The following SPAST variants were observed in gnomAD, a reference collection of about 807,000 sequenced individuals.
SPAST encodes spastic paraplegia 4 (autosomal dominant; spastin).
In SPAST, 30 loss-of-function variants were observed where a neutral mutation model predicts 76.6. The ratio of observed to expected loss-of-function variants is 0.39; its 90% confidence interval spans 0.29 to 0.53. The LOEUF is 0.53. SPAST is among the 20% of genes least tolerant of loss of function. The pLI, the probability that SPAST is intolerant of heterozygous loss-of-function variation, is 0.68. For synonymous variants in SPAST, 305 were observed against 281.0 expected, an observed-to-expected ratio of 1.09 and a Z score of -0.86; for missense variants, 717 against 770.5, an observed-to-expected ratio of 0.93 and a Z score of 0.82.
At chr2:32,122,531 A>C (rs1279216771) in intron 7 of SPAST, among the ~76,000 whole-genome samples, 1 of 152,124 alleles carries the variant, frequency 6.6e-6, no homozygotes, top group African/African-American at 2.4e-5. Flanking sequence ...CATGTTGACC[A>C]GTCTAGTCTC....
chr2:32,068,221 A>G (rs1318348746), intron 1 of SPAST, among the ~76,000 whole-genome samples: 3 of 150,800 alleles, frequency 2.0e-5, no homozygotes, highest in East Asian at 2.0e-4. Flanking sequence ...CTCGTGATCC[A>G]CCCGCCTCGG....
chr2:32,067,993 T>C (rs1460412236), intron 1 of SPAST, among the ~76,000 whole-genome samples: 4 of 151,468 alleles, frequency 2.6e-5, no homozygotes, highest in African/African-American at 9.7e-5. Context: ...TTTTTTTTTT[T>C]TTTGAGACAG....
intron 3 of SPAST, among the ~76,000 whole-genome samples, chr2:32,095,433 T>C (rs941985660): frequency 4.6e-5 from 7 of 151,898 alleles, no homozygotes; most frequent in African/African-American, 1.7e-4. Flanking sequence ...TGAATAAAAG[T>C]TATGAAAGAA....
At chr2:32,081,889 A>G (rs576620093) in intron 1 of SPAST, among the ~76,000 whole-genome samples, 1 of 149,670 alleles carries the variant, frequency 6.7e-6, no homozygotes, top group South Asian at 2.1e-4. Context: ...AATAATAACC[A>G]TCCTAATGGG....
At chr2:32,154,172 T>C (rs1680177111) in intron 16 of SPAST, among the ~76,000 whole-genome samples, 1 of 152,228 alleles carries the variant, frequency 6.6e-6, no homozygotes, top group Non-Finnish European at 1.5e-5. Context: ...AATATATTAG[T>C]ATAGCATTTA....
intron 7 of SPAST, among the ~76,000 whole-genome samples, chr2:32,125,267 A>G (rs13007972): frequency 0.36 from 54,294 of 151,654 alleles, 10,063 homozygotes; most frequent in East Asian, 0.64. Flanking sequence ...CTTGTTGCCC[A>G]GGCTGGAATA....
At chr2:32,077,415 T>G (rs974255606) in intron 1 of SPAST, among the ~76,000 whole-genome samples, 1 of 152,196 alleles carries the variant, frequency 6.6e-6, no homozygotes, top group Admixed American at 6.6e-5. Flanking sequence ...ACAAATTTAC[T>G]AAGTATAATA....
At chr2:32,133,190 A>C (rs1679427968) in intron 9 of SPAST, among the ~76,000 whole-genome samples, 1 of 152,220 alleles carries the variant, frequency 6.6e-6, no homozygotes, top group Non-Finnish European at 1.5e-5. Context: ...TTCCACAAAA[A>C]ATCAGTTACA....
Position 32,136,608 on chromosome 2 carries a change from C to T in SPAST, c.1291C>T (p.Arg431Ter), listed in dbSNP as rs786204126. ...KLVRALFAVA[R>*]ELQPSIIFID... ...GGTGAGGGCTCTTTTTGCTGTGGCT[C>T]GAGAACTTCAACCTTCTATAATTTT... The change falls in exon 10 of 17, where the codon CGA (arginine) becomes TGA (stop). Residue 431 changes from arginine (R) to a stop codon, truncating the protein, a stop_gained. Transcript: ENST00000315285. LOFTEE classifies it high-confidence loss of function. The T allele has an allele frequency of 1.2e-6, 2 of 1,613,482 alleles. No individual in the cohort carries two copies. Among genetic ancestry groups the T allele is most frequent in the Middle Eastern group, 1.7e-4 (1 of 6,034 alleles).
chr2:32,152,142 C>A (rs971061634), intron 16 of SPAST, among the ~76,000 whole-genome samples: 1 of 152,154 alleles, frequency 6.6e-6, no homozygotes, highest in Non-Finnish European at 1.5e-5. Flanking sequence ...CCCCCCTTAA[C>A]TGAACCAGCT....
chr2:32,069,614 T>C (rs764737897), intron 1 of SPAST, among the ~76,000 whole-genome samples: 7 of 151,068 alleles, frequency 4.6e-5, no homozygotes, highest in Non-Finnish European at 8.8e-5. Context: ...TGGAGTGCAG[T>C]GGCGAGATCT....
At chr2:32,151,402 A>G (rs1347335015) in intron 16 of SPAST, among the ~76,000 whole-genome samples, 2 of 152,204 alleles carry the variant, frequency 1.3e-5, no homozygotes, top group African/African-American at 4.8e-5. Context: ...AGATCCATTA[A>G]ATAACTTTAA....
chr2:32,113,305 G>C (rs1241272629), intron 4 of SPAST, among the ~76,000 whole-genome samples: 1 of 151,598 alleles, frequency 6.6e-6, no homozygotes, highest in Non-Finnish European at 1.5e-5. Context: ...GGCTGGTCTT[G>C]AACTCCATAC....
chr2:32,064,293 G>T (rs1676420694), intron 1 of SPAST, 47 bp downstream of exon 1: 4 of 1,338,912 alleles, frequency 3.0e-6, no homozygotes, highest in African/African-American at 1.5e-5. Context: ...GGAAGAAGGC[G>T]GTGGGGTCGC....
chr2:32,106,473 C>G (rs1678325375), intron 4 of SPAST, among the ~76,000 whole-genome samples: 1 of 152,192 alleles, frequency 6.6e-6, no homozygotes, highest in Non-Finnish European at 1.5e-5. Flanking sequence ...GTCTGACAAT[C>G]CCCAGTGAGA....
At chr2:32,075,894 CTCTTTT>C (rs1392834195) in intron 1 of SPAST, among the ~76,000 whole-genome samples, 6 of 87,196 alleles carry the variant, frequency 6.9e-5, no homozygotes, top group Admixed American at 1.5e-4. Context: ...ATTCAAAATG[CTCTTTT>C]TTTTTTTTTT....
chr2:32,148,096 C>T (rs1314249755), intron 16 of SPAST, among the ~76,000 whole-genome samples: 2 of 151,960 alleles, frequency 1.3e-5, no homozygotes, highest in East Asian at 3.9e-4. Flanking sequence ...CAACGCCCCA[C>T]TAATTTTTTA....
At chr2:32,130,955 T>C (rs187185712) in intron 9 of SPAST, among the ~76,000 whole-genome samples, 10 of 152,308 alleles carry the variant, frequency 6.6e-5, no homozygotes, top group Admixed American at 5.9e-4. Context: ...CCTATAGACA[T>C]GTATGGGAAA....
intron 14 of SPAST, among the ~76,000 whole-genome samples, chr2:32,143,686 G>T (rs1558341085): frequency 6.6e-6 from 1 of 151,982 alleles, no homozygotes; most frequent in African/African-American, 2.4e-5. Flanking sequence ...CCTGTAAGTG[G>T]TATTAAAGTA....
Sources: gnomAD v4.1 joint callset for allele counts (sites outside exome capture counted in the v4.1 genomes callset) on GRCh38, gnomAD v4.1.1 for gene constraint, MANE v1.5 for transcripts, NCBI Gene and HGNC (gene_info 2026-07-23, HGNC 2026-07-21) for gene names.